The following AZIN2 variants were observed in gnomAD, a reference collection of about 807,000 sequenced individuals.
AZIN2 encodes antizyme inhibitor 2.
Under a neutral mutation model 47.8 loss-of-function variants are expected in AZIN2, and 28 were observed. The ratio of observed to expected loss-of-function variants is 0.59; its 90% CI spans 0.43 to 0.80. The LOEUF is 0.80. Ranked by LOEUF, AZIN2 falls within the 30% of genes least tolerant of loss-of-function variation. The probability of loss-of-function intolerance (pLI) is 0.00; values close to 1 mark genes in which losing one functional copy is unlikely to be tolerated. For missense variants in AZIN2, 535 were observed against 582.5 expected, an observed-to-expected ratio of 0.92 and a Z score of 0.84; for synonymous variants, 221 against 239.4, an observed-to-expected ratio of 0.92 and a Z score of 0.71.
chr1:33,094,425 G>A, intron 7 of AZIN2, 123 bp from the exon 8 acceptor site: 1 of 1,051,938 alleles, frequency 9.5e-7, no homozygotes, highest in Non-Finnish European at 1.4e-6. Flanking sequence ...CAGGACCTTG[G>A]TCACTGCATC....
Position 33,117,889 on chromosome 1 carries a change from C to A in AZIN2, c.1030-13C>A. The A allele has an allele frequency of 6.2e-7, 1 of 1,614,178 alleles. No homozygotes were observed. On this transcript the variant is annotated splice_polypyrimidine_tract_variant and intron_variant, in intron 10 of 11. Coordinates refer to ENST00000294517, the MANE Select transcript of AZIN2 (RefSeq NM_052998.4). ...CCCAGGAGAGCTGGCATGGCCATCC[C>A]TTCTTCCTACAGAAACCATCCACGG...
the AZIN2 span, among the ~76,000 whole-genome samples, chr1:33,155,816 G>A: frequency 1.3e-5 from 2 of 152,058 alleles, no homozygotes; most frequent in East Asian, 3.9e-4. Context: ...TCTGCCCTTG[G>A]GGGGGATCTG....
intron 10 of AZIN2, among the ~76,000 whole-genome samples, chr1:33,106,510 A>G (rs1011587722): frequency 2.0e-5 from 3 of 152,192 alleles, no homozygotes; most frequent in Non-Finnish European, 4.4e-5. Context: ...AATCCTCAAC[A>G]AAATACTAGC....
chr1:33,151,600 C>T, the AZIN2 span, among the ~76,000 whole-genome samples: 135 of 152,184 alleles, frequency 8.9e-4, no homozygotes, highest in African/African-American at 3.1e-3. Flanking sequence ...CCCAGCAAAA[C>T]AAGCGCAGTC....
At chr1:33,165,320 C>T in the AZIN2 span, 12 of 642,764 alleles carry the variant, frequency 1.9e-5, no homozygotes, top group Non-Finnish European at 2.9e-5. The surrounding 1 kb of genome is among the most constrained non-coding windows in gnomAD (Gnocchi z 4.0). Context: ...CCCTCTTCCC[C>T]ACCCTGCCCT....
chr1:33,128,732 GTC>G, the AZIN2 span, among the ~76,000 whole-genome samples: 1 of 152,198 alleles, frequency 6.6e-6, no homozygotes, highest in Non-Finnish European at 1.5e-5. Context: ...CCTATAACTT[GTC>G]TCTCAGACCA....
chr1:33,136,313 T>TTTCTTTTTCTTTCTTTCC, the AZIN2 span, among the ~76,000 whole-genome samples: 1 of 147,080 alleles, frequency 6.8e-6, no homozygotes, highest in Non-Finnish European at 1.5e-5. Context: ...TCTTTCTTTC[T>TTTCTTTTTCTTTCTTTCC]TTCTTTTTCT....
the AZIN2 span, among the ~76,000 whole-genome samples, chr1:33,139,075 C>T: frequency 1.3e-5 from 2 of 152,220 alleles, no homozygotes; most frequent in African/African-American, 2.4e-5. Context: ...ATGAGAATTT[C>T]TACTGTGTTT....
At position 33,082,186 on chromosome 1, in the gene AZIN2, A is replaced by G. The variant is rs907323142; in HGVS notation, c.-64A>G. 5 of 1,391,170 alleles carry G rather than the reference A, an allele frequency of 3.6e-6. No homozygotes were observed. The highest frequency in any genetic ancestry group is 2.9e-5 in the African/African-American group (2 of 70,054). 86.2% of individuals were successfully genotyped at this position (1,391,170 alleles called of 1,614,324 possible). ...CTCCCCTCGCCCCGCAGTGTGTTGC[A>G]TACTTTCTAAGGCGGCGGCTGCAGC... On this transcript the variant is annotated 5_prime_UTR_variant, in exon 4 of 12. Coordinates refer to ENST00000294517, the MANE Select transcript of AZIN2 (RefSeq NM_052998.4).
intron 9 of AZIN2, 74 bp downstream of exon 9, chr1:33,096,943 G>A: frequency 6.3e-7 from 1 of 1,579,212 alleles, no homozygotes; most frequent in Non-Finnish European, 8.7e-7. Context: ...GCAGGATCTG[G>A]TTTTAGACCC....
At chr1:33,127,263 A>T (rs907378033), downstream of AZIN2, among the ~76,000 whole-genome samples, 1 of 152,236 alleles carries the variant, frequency 6.6e-6, no homozygotes, top group African/African-American at 2.4e-5. Flanking sequence ...CGGAACCCCC[A>T]GCTCACGGCC....
At chr1:33,082,435 C>A in intron 4 of AZIN2, 81 bp downstream of exon 4, 1 of 935,018 alleles carries the variant, frequency 1.1e-6, no homozygotes, top group South Asian at 1.7e-5. Flanking sequence ...CTAGGGCCCT[C>A]ATCTTATCCT....
chr1:33,165,840 A>G, the AZIN2 span: 1 of 286,768 alleles, frequency 3.5e-6, no homozygotes, highest in Non-Finnish European at 6.5e-6. This position sits in a 1 kb window ranked among gnomAD's most constrained non-coding sequence, Gnocchi z 4.0. Context: ...CCACATACAC[A>G]CTCTCTGGCT....
the AZIN2 span, chr1:33,146,192 GGTA>G: frequency 7.6e-6 from 2 of 261,444 alleles, no homozygotes; most frequent in Non-Finnish European, 1.5e-5. Context: ...CCAGGGGCCA[GGTA>G]GTAAATCCTT....
chr1:33,129,535 G>T, the AZIN2 span, among the ~76,000 whole-genome samples: 1 of 152,070 alleles, frequency 6.6e-6, no homozygotes, highest in South Asian at 2.1e-4. This position sits in a 1 kb window ranked among gnomAD's most constrained non-coding sequence, Gnocchi z 4.1. Context: ...ATATGTTTAC[G>T]CATTGTGCAT....
chr1:33,117,568 C>A (rs1401382219), intron 10 of AZIN2, among the ~76,000 whole-genome samples: 1 of 152,228 alleles, frequency 6.6e-6, no homozygotes, highest in African/African-American at 2.4e-5. Flanking sequence ...CATACACTAA[C>A]TCATTTATCC....
chr1:33,131,448 T>A, the AZIN2 span, among the ~76,000 whole-genome samples: 1 of 152,210 alleles, frequency 6.6e-6, no homozygotes. Flanking sequence ...TTCCTGTGGC[T>A]ATGAGACACT....
chr1:33,156,599 G>A, the AZIN2 span, among the ~76,000 whole-genome samples: 8 of 152,262 alleles, frequency 5.3e-5, 1 homozygote, highest in Middle Eastern at 6.8e-3. Context: ...CGGGGCTCCT[G>A]ATGTTAGGGC....
the AZIN2 span, chr1:33,146,968 A>G: frequency 5.0e-6 from 3 of 603,188 alleles, no homozygotes; most frequent in Non-Finnish European, 8.7e-6. Flanking sequence ...ATCCCTATCA[A>G]GGTCAGAGCT....
Sources: allele counts gnomAD v4.1 joint callset (sites outside exome capture counted in the v4.1 genomes callset), GRCh38; gene constraint gnomAD v4.1.1; non-coding constraint Gnocchi (gnomAD v3.1); transcripts MANE v1.5; gene names NCBI Gene and HGNC (gene_info 2026-07-23, HGNC 2026-07-21).